MAMDC2: variants seen among roughly 807,000 people sequenced by gnomAD.
MAMDC2 encodes MAM domain containing 2, also known as MAM domain-containing protein 2.
A neutral mutation model predicts 89.8 loss-of-function variants in MAMDC2; 57 were observed. That is an observed-to-expected ratio of 0.63 (90% CI 0.51 to 0.79). MAMDC2 has a LOEUF of 0.79. Ranked by LOEUF, MAMDC2 falls within the 30% of genes least tolerant of loss-of-function variation. MAMDC2 has a pLI of 0.00. For missense variants in MAMDC2, 800 were observed against 820.6 expected (o/e 0.97, Z 0.31); for synonymous variants, 313 against 293.4 (o/e 1.07, Z -0.68).
At chr9:70,211,532 C>G (rs1316621407) in intron 11 of MAMDC2, among the ~76,000 whole-genome samples, 1 of 152,156 alleles carries the variant, frequency 6.6e-6, no homozygotes, top group Non-Finnish European at 1.5e-5. Context: ...TTCATCTAAT[C>G]TTTTTTCAAG....
intron 6 of MAMDC2, among the ~76,000 whole-genome samples, chr9:70,127,074 T>C (rs1018593929): frequency 3.9e-5 from 6 of 152,162 alleles, no homozygotes; most frequent in Non-Finnish European, 7.3e-5. Context: ...AACATTAAAG[T>C]TCTACTATCT....
chr9:70,097,569 G>A (rs1201266294), intron 2 of MAMDC2, among the ~76,000 whole-genome samples: 1 of 152,166 alleles, frequency 6.6e-6, no homozygotes, highest in Non-Finnish European at 1.5e-5. Context: ...TTTCCCCAGT[G>A]CAAGAGCCTC....
intron 11 of MAMDC2, among the ~76,000 whole-genome samples, chr9:70,206,104 A>G (rs2033218877): frequency 6.6e-6 from 1 of 152,214 alleles, no homozygotes. Flanking sequence ...ATTACTCTAC[A>G]TAGGTACTGC....
intron 7 of MAMDC2, among the ~76,000 whole-genome samples, chr9:70,138,355 G>A (rs2031079912): frequency 6.6e-6 from 1 of 152,146 alleles, no homozygotes; most frequent in South Asian, 2.1e-4. Flanking sequence ...TGTTAATAGT[G>A]CTAAGATAAA....
Position 70,109,816 on chromosome 9 carries a change from T to C in MAMDC2, c.505+12T>C, listed in dbSNP as rs773265446. The C allele has an allele frequency of 6.3e-7, 1 of 1,597,044 alleles. No homozygotes were observed. The highest frequency in any genetic ancestry group is 8.6e-7 in the Non-Finnish European group (1 of 1,164,944). On this transcript the variant is annotated intron_variant, in intron 4 of 13. Transcript: ENST00000377182. ...CGGCTACTGTATTGGTAAGTGGGCT[T>C]CATTTTCATTAAATCAAATTGTGAA...
intron 2 of MAMDC2, among the ~76,000 whole-genome samples, chr9:70,102,353 C>T (rs1031657996): frequency 4.6e-5 from 7 of 152,134 alleles, no homozygotes; most frequent in South Asian, 4.2e-4. Context: ...ACGGGGCATT[C>T]GGCATTCATT....
chr9:70,055,500 C>T (rs773680073), intron 2 of MAMDC2, among the ~76,000 whole-genome samples: 12 of 152,228 alleles, frequency 7.9e-5, no homozygotes, highest in Non-Finnish European at 1.3e-4. Context: ...GAGGTCAACA[C>T]CAAGGAAGTC....
chr9:70,114,031 C>T (rs1828577657), intron 5 of MAMDC2, among the ~76,000 whole-genome samples: 1 of 151,650 alleles, frequency 6.6e-6, no homozygotes, highest in Admixed American at 6.6e-5. Context: ...TGGTTCTTAC[C>T]ATTTTTCTTC....
chr9:70,156,407 CT>C (rs2118470863), intron 9 of MAMDC2, among the ~76,000 whole-genome samples: 1 of 152,200 alleles, frequency 6.6e-6, no homozygotes, highest in Admixed American at 6.5e-5. Context: ...GCCAGACACC[CT>C]GCTATAAAGA....
intron 6 of MAMDC2, among the ~76,000 whole-genome samples, chr9:70,126,907 C>T (rs1474112820): frequency 1.3e-5 from 2 of 151,308 alleles, no homozygotes; most frequent in South Asian, 2.1e-4. Flanking sequence ...AACAAACTTG[C>T]TATTATGGCC....
chr9:70,094,409 A>G (rs758080075), intron 2 of MAMDC2, among the ~76,000 whole-genome samples: 15 of 152,246 alleles, frequency 9.9e-5, no homozygotes, highest in Non-Finnish European at 1.8e-4. Flanking sequence ...CCAGAAAGGC[A>G]GAGAATTGTG....
intron 11 of MAMDC2, among the ~76,000 whole-genome samples, chr9:70,179,070 G>A (rs1353372808): frequency 6.6e-6 from 1 of 152,108 alleles, no homozygotes; most frequent in Non-Finnish European, 1.5e-5. Context: ...TTACAACCTT[G>A]AGACTAAGAA....
rs1828449684 is a variant in MAMDC2 at position 70,109,706 on chromosome 9, C to T, written c.421-14C>T. 5 of 1,598,822 alleles carry T rather than the reference C, an allele frequency of 3.1e-6. No homozygotes were observed. The highest frequency in any genetic ancestry group is 1.3e-5 in the African/African-American group (1 of 74,638). On this transcript the variant is annotated splice_polypyrimidine_tract_variant and intron_variant, in intron 3 of 13. Transcript: ENST00000377182. ...TTGAAGTCTAACTCCCCTTCTTCCC[C>T]ATATGTTGTGCAGATTTTAATAGAA...
chr9:70,064,040 A>C (rs914141926), intron 2 of MAMDC2, among the ~76,000 whole-genome samples: 1 of 152,152 alleles, frequency 6.6e-6, no homozygotes, highest in African/African-American at 2.4e-5. Flanking sequence ...TTTTAAAAAA[A>C]GAAGTGTATG....
At chr9:70,213,094 C>T (rs1348011743) in intron 11 of MAMDC2, among the ~76,000 whole-genome samples, 2 of 152,186 alleles carry the variant, frequency 1.3e-5, no homozygotes, top group East Asian at 3.9e-4. Context: ...TTCCTCTCTT[C>T]CAGGACCTCA....
intron 12 of MAMDC2, among the ~76,000 whole-genome samples, chr9:70,220,477 G>A (rs956225438): frequency 2.6e-5 from 4 of 152,164 alleles, no homozygotes; most frequent in African/African-American, 7.2e-5. Context: ...ATGCCAGGGA[G>A]ACCAGGCTGA....
intron 5 of MAMDC2, among the ~76,000 whole-genome samples, chr9:70,123,501 A>AGAT (rs2030382432): frequency 6.6e-6 from 1 of 152,150 alleles, no homozygotes; most frequent in Non-Finnish European, 1.5e-5. Context: ...TCCAGCCTGC[A>AGAT]GATATGTTTA....
chr9:70,204,761 C>T (rs1248502858), intron 11 of MAMDC2, among the ~76,000 whole-genome samples: 3 of 152,130 alleles, frequency 2.0e-5, no homozygotes, highest in African/African-American at 4.8e-5. Flanking sequence ...TCTCGTGGTG[C>T]GCCGTTTTTT....
intron 6 of MAMDC2, among the ~76,000 whole-genome samples, chr9:70,127,685 C>T (rs1339834835): frequency 1.3e-5 from 2 of 151,280 alleles, no homozygotes; most frequent in Non-Finnish European, 2.9e-5. Flanking sequence ...TCCCTACCTC[C>T]CCCCACAAAA....
Sources: allele counts gnomAD v4.1 joint callset (sites outside exome capture counted in the v4.1 genomes callset), GRCh38; gene constraint gnomAD v4.1.1; transcripts MANE v1.5; gene names NCBI Gene and HGNC (gene_info 2026-07-23, HGNC 2026-07-21).